Variants in ALK observed in about 807,000 individuals in gnomAD.
ALK encodes the protein ALK receptor tyrosine kinase.
In ALK, 74 loss-of-function variants were observed where a neutral mutation model predicts 163.1. That is an observed-to-expected ratio of 0.45 (90% confidence interval 0.38 to 0.55). The LOEUF (loss-of-function observed/expected upper bound fraction) is 0.55. Among genes scored for constraint, ALK ranks in the 20% least tolerant of loss-of-function variants. ALK has a pLI of 0.00. For missense variants in ALK, 2,063 were observed against 2,105.3 expected, an observed-to-expected ratio of 0.98 and a Z score of 0.39; for synonymous variants, 960 against 843.2, an observed-to-expected ratio of 1.14 and a Z score of -2.40.
chr2:29,739,425 G>A (rs1679988587), intron 1 of ALK, among the ~76,000 whole-genome samples: 1 of 151,612 alleles, frequency 6.6e-6, no homozygotes, highest in Admixed American at 6.6e-5. Context: ...GAGCGTGGTG[G>A]TATGTGCCTG....
At chr2:29,683,518 C>A (rs1462634627) in intron 3 of ALK, among the ~76,000 whole-genome samples, 1 of 152,144 alleles carries the variant, frequency 6.6e-6, no homozygotes, top group Non-Finnish European at 1.5e-5. Context: ...ACAACCTTTG[C>A]TATGCAGGTT....
chr2:29,224,021 GTTC>G (rs1001005991), intron 19 of ALK: 1 of 261,610 alleles, frequency 3.8e-6, no homozygotes, highest in Non-Finnish European at 7.4e-6. Flanking sequence ...GCCCTAAGGG[GTTC>G]TGGAGCCAAA....
Position 29,666,600 on chromosome 2 carries a change from C to G in ALK, c.952+28250G>C, listed in dbSNP as rs139882413. Reference sequence around the variant, plus strand: ...GATCCAGAAGAACTTCCTAATTTCTCATCCAGGACTATTCTGAAAGAGGAT... The same window carrying G: ...GATCCAGAAGAACTTCCTAATTTCTGATCCAGGACTATTCTGAAAGAGGAT... On this transcript the variant is annotated intron_variant, in intron 3 of 28. Transcript: ENST00000389048. Among the ~76,000 whole-genome samples the G allele has an allele frequency of 1.5e-3, 231 of 152,170 alleles. 1 individual carries two copies. Among genetic ancestry groups the G allele is most frequent in the African/African-American group, 3.9e-3 (163 of 41,546 alleles).
chr2:29,423,283 C>T (rs540643836), intron 4 of ALK, among the ~76,000 whole-genome samples: 1 of 152,286 alleles, frequency 6.6e-6, no homozygotes, highest in Non-Finnish European at 1.5e-5. Flanking sequence ...TGGAACTTGC[C>T]TGTGAGCCCT....
intron 1 of ALK, among the ~76,000 whole-genome samples, chr2:29,730,936 C>T (rs1269632120): frequency 6.6e-6 from 1 of 152,140 alleles, no homozygotes; most frequent in Non-Finnish European, 1.5e-5. Flanking sequence ...CACTGTCACC[C>T]TGCATCTTGC....
intron 26 of ALK, among the ~76,000 whole-genome samples, chr2:29,199,098 C>G (rs894001059): frequency 2.8e-4 from 43 of 152,022 alleles, no homozygotes; most frequent in African/African-American, 1.0e-3. Context: ...GGATTACAGG[C>G]GCCCACCACA....
chr2:29,647,098 C>T (rs1293250534), intron 3 of ALK, among the ~76,000 whole-genome samples: 3 of 152,158 alleles, frequency 2.0e-5, no homozygotes, highest in African/African-American at 7.2e-5. Context: ...GGCTCTTCTT[C>T]CAGTTTCACA....
At chr2:29,751,530 T>A (rs1161466939) in intron 1 of ALK, among the ~76,000 whole-genome samples, 1 of 152,148 alleles carries the variant, frequency 6.6e-6, no homozygotes, top group Non-Finnish European at 1.5e-5. Context: ...AGTGTGAGCA[T>A]CTCAGCTTCT....
chr2:29,451,729 T>C (rs1300926650), intron 4 of ALK, among the ~76,000 whole-genome samples: 3 of 152,342 alleles, frequency 2.0e-5, no homozygotes, highest in East Asian at 3.9e-4. Flanking sequence ...TCTGGTACTA[T>C]GTTTATTTGC....
chr2:29,706,094 C>A (rs773350838), intron 2 of ALK, among the ~76,000 whole-genome samples: 53 of 152,230 alleles, frequency 3.5e-4, no homozygotes, highest in Non-Finnish European at 6.5e-4. Flanking sequence ...ACACAAGTCA[C>A]TTAAGCTTTC....
chr2:29,777,273 G>C (rs1295847575), intron 1 of ALK, among the ~76,000 whole-genome samples: 1 of 152,124 alleles, frequency 6.6e-6, no homozygotes, highest in Non-Finnish European at 1.5e-5. Flanking sequence ...TTCTATGGCA[G>C]GAGTAGGAAA....
chr2:29,196,075 G>C (rs998293674), intron 28 of ALK, among the ~76,000 whole-genome samples: 2 of 151,938 alleles, frequency 1.3e-5, no homozygotes, highest in African/African-American at 4.8e-5. Context: ...AGGGAGAGAA[G>C]CAAAAATTTC....
chr2:29,536,784 A>T (rs4666238), intron 3 of ALK, among the ~76,000 whole-genome samples: 146,488 of 152,262 alleles, frequency 0.96, 70,738 homozygotes, highest in East Asian at 1. Flanking sequence ...CAGTGAAGAC[A>T]AAGCTAAGGA....
chr2:29,884,026 TGA>T (rs1666930709), intron 1 of ALK, among the ~76,000 whole-genome samples: 1 of 152,232 alleles, frequency 6.6e-6, no homozygotes, highest in Non-Finnish European at 1.5e-5. Context: ...TGTTCATAAT[TGA>T]GAGAAATGTG....
Position 29,286,148 on chromosome 2 carries a change from C to G in ALK, c.1818-10652G>C, listed in dbSNP as rs568297813. 5.9e-5 allele frequency among the ~76,000 whole-genome samples: 9 copies of G among 152,292 alleles called. No homozygotes were observed. In the East Asian group the frequency reaches 1.5e-3, roughly 26 times the overall value. The stretch of plus-strand genomic sequence containing the variant: ...ATGGTTCATCTGACTGCTCCTGTAT[C>G]TGGACGTCAATGCACCTGCTGAACC... On this transcript the variant is annotated intron_variant, in intron 9 of 28. Transcript: ENST00000389048.
intron 5 of ALK, among the ~76,000 whole-genome samples, chr2:29,343,955 C>T (rs1667874526): frequency 6.6e-6 from 1 of 152,046 alleles, no homozygotes; most frequent in Admixed American, 6.5e-5. Context: ...TCTACAATTT[C>T]ATTTAGGGAA....
At chr2:29,527,075 A>G (rs1417327601) in intron 4 of ALK, among the ~76,000 whole-genome samples, 2 of 152,216 alleles carry the variant, frequency 1.3e-5, no homozygotes, top group South Asian at 2.1e-4. Context: ...TTGCCAGGAC[A>G]GAAGAGGGGA....
At chr2:29,230,461 T>C (rs945635519) in intron 15 of ALK, among the ~76,000 whole-genome samples, 4 of 151,878 alleles carry the variant, frequency 2.6e-5, no homozygotes, top group Non-Finnish European at 5.9e-5. Flanking sequence ...GAAACAGCAG[T>C]GTGTGTGTCT....
intron 4 of ALK, among the ~76,000 whole-genome samples, chr2:29,505,129 G>C (rs1403459718): frequency 6.6e-6 from 1 of 152,160 alleles, no homozygotes; most frequent in African/African-American, 2.4e-5. Context: ...AGGCAAGATG[G>C]GCTGAGAGTA....
Sources: allele counts gnomAD v4.1 joint callset (sites outside exome capture counted in the v4.1 genomes callset), GRCh38; gene constraint gnomAD v4.1.1; transcripts MANE v1.5; gene names NCBI Gene and HGNC (gene_info 2026-07-23, HGNC 2026-07-21).